The following ABCC4 variants were observed in gnomAD, a reference collection of about 807,000 sequenced individuals.
ABCC4 encodes ATP binding cassette subfamily C member 4 (PEL blood group), also known as ATP-binding cassette sub-family C member 4.
ABCC4 carries 102 observed loss-of-function variants against 168.5 expected under a neutral mutation model. The ratio of observed to expected loss-of-function variants is 0.61; its 90% confidence interval spans 0.52 to 0.71. The LOEUF is 0.71. Among genes scored for constraint, ABCC4 ranks in the 30% least tolerant of loss-of-function variants. ABCC4 has a pLI of 0.00. For missense variants in ABCC4, 1,402 were observed against 1,605.8 expected (o/e 0.87, Z 2.17); for synonymous variants, 617 against 590.7 (o/e 1.04, Z -0.65).
chr13:95,263,067 AT>A (rs2040576287), intron 1 of ABCC4, among the ~76,000 whole-genome samples: 1 of 152,168 alleles, frequency 6.6e-6, no homozygotes, highest in Non-Finnish European at 1.5e-5. Flanking sequence ...CCCAAGCATC[AT>A]GCTCAAGTGC....
chr13:95,021,738 C>A, intron 30 of ABCC4, 56 bp from the exon 31 acceptor site: 1 of 1,240,150 alleles, frequency 8.1e-7, no homozygotes, highest in Non-Finnish European at 1.2e-6. Flanking sequence ...AAAGTCTCCT[C>A]CCTGAAACAA....
At chr13:95,090,867 G>A (rs1262853553) in intron 20 of ABCC4, among the ~76,000 whole-genome samples, 1 of 151,976 alleles carries the variant, frequency 6.6e-6, no homozygotes, top group Non-Finnish European at 1.5e-5. Context: ...CACAATGCAA[G>A]GAAATCCAAC....
intron 27 of ABCC4, among the ~76,000 whole-genome samples, chr13:95,047,386 T>C (rs528248264): frequency 1.3e-5 from 2 of 152,080 alleles, no homozygotes; most frequent in South Asian, 4.2e-4. Context: ...GCATTTACAA[T>C]AGTGCTTGGT....
intron 8 of ABCC4, among the ~76,000 whole-genome samples, chr13:95,200,102 G>C (rs1430008122): frequency 6.6e-6 from 1 of 152,190 alleles, no homozygotes; most frequent in Non-Finnish European, 1.5e-5. Flanking sequence ...ATTCCCAGGA[G>C]GAAGTTCCCA....
chr13:95,166,121 C>CAAAACCAGGCCATGTTGT, intron 15 of ABCC4, 37 bp downstream of exon 15: 1 of 1,572,308 alleles, frequency 6.4e-7, no homozygotes, highest in Non-Finnish European at 8.8e-7. Context: ...TAACAGTGAA[C>CAAAACCAGGCCATGTTGT]AAAACCAGGC....
chr13:95,189,327 G>T (rs184430841), intron 9 of ABCC4, among the ~76,000 whole-genome samples: 2 of 150,814 alleles, frequency 1.3e-5, no homozygotes, highest in African/African-American at 2.4e-5. Flanking sequence ...TAGAGACGGG[G>T]TTTCACCGTG....
At chr13:95,071,295 G>T (rs142231611) in intron 25 of ABCC4, among the ~76,000 whole-genome samples, 2 of 152,290 alleles carry the variant, frequency 1.3e-5, no homozygotes, top group Admixed American at 1.3e-4. Flanking sequence ...TGGAACAGAA[G>T]CTGCAGCAGT....
intron 15 of ABCC4, 80 bp downstream of exon 15, chr13:95,166,078 T>C: frequency 3.1e-6 from 4 of 1,277,676 alleles, no homozygotes; most frequent in Non-Finnish European, 4.5e-6. Flanking sequence ...GATGAAGCTT[T>C]GAACAGAGTA....
At chr13:95,124,863 G>A (rs1229288924) in intron 19 of ABCC4, among the ~76,000 whole-genome samples, 1 of 150,576 alleles carries the variant, frequency 6.6e-6, no homozygotes, top group African/African-American at 2.4e-5. Context: ...GGGTGACAGA[G>A]TGAGACTTGA....
chr13:95,164,559 A>G, intron 15 of ABCC4, 41 bp from the exon 16 acceptor site: 1 of 1,604,574 alleles, frequency 6.2e-7, no homozygotes. Context: ...AACAGTATAC[A>G]AAACTGTTCC....
At chr13:95,178,593 G>A (rs2037788380) in intron 11 of ABCC4, among the ~76,000 whole-genome samples, 1 of 152,308 alleles carries the variant, frequency 6.6e-6, no homozygotes, top group East Asian at 1.9e-4. Context: ...GGCACAGAGT[G>A]CAGGAAGAGT....
At chr13:95,218,622 C>T (rs748603142) in intron 4 of ABCC4, among the ~76,000 whole-genome samples, 1 of 151,878 alleles carries the variant, frequency 6.6e-6, no homozygotes, top group Non-Finnish European at 1.5e-5. Flanking sequence ...AAGACCAAGG[C>T]GGCAAGATCA....
chr13:95,069,715 G>A (rs1157802790), intron 25 of ABCC4, among the ~76,000 whole-genome samples: 1 of 152,128 alleles, frequency 6.6e-6, no homozygotes, highest in Non-Finnish European at 1.5e-5. Flanking sequence ...CCGTCCTTAG[G>A]TGTCTGGCCT....
chr13:95,074,146 T>C, intron 23 of ABCC4, 68 bp downstream of exon 23: 1 of 1,263,264 alleles, frequency 7.9e-7, no homozygotes. Context: ...GTGGCAAGAG[T>C]TTAATAAATG....
intron 1 of ABCC4, among the ~76,000 whole-genome samples, chr13:95,259,196 G>C (rs1007865554): frequency 1.3e-5 from 2 of 152,154 alleles, no homozygotes; most frequent in Non-Finnish European, 2.9e-5. Flanking sequence ...AGACCAGCCT[G>C]ACGAACATGG....
At chr13:95,100,162 C>T (rs932415593) in intron 20 of ABCC4, among the ~76,000 whole-genome samples, 9 of 152,306 alleles carry the variant, frequency 5.9e-5, no homozygotes, top group Admixed American at 3.3e-4. Flanking sequence ...GAAAGCACCA[C>T]GAATGGCCAC....
rs573009078 is a variant in ABCC4 at position 95,056,279 on chromosome 13, C to G, written c.3367-3095G>C. On this transcript the variant is annotated intron_variant, in intron 26 of 30. Coordinates refer to ENST00000645237, the MANE Select transcript of ABCC4 (RefSeq NM_005845.5). Reference sequence around the variant, plus strand: ...CAGAGCTATGTGTGCATTTCAAATCCTGAAGACCTTGATTCAGGGCAGCTC... The same window carrying G: ...CAGAGCTATGTGTGCATTTCAAATCGTGAAGACCTTGATTCAGGGCAGCTC... Among the ~76,000 whole-genome samples, 7 of 152,304 alleles carry G rather than the reference C, an allele frequency of 4.6e-5. No individual in the cohort carries two copies. In the South Asian group the frequency reaches 8.3e-4, roughly 18 times the overall value.
chr13:95,196,623 AGG>A (rs2038438406), intron 8 of ABCC4, among the ~76,000 whole-genome samples: 1 of 7,192 alleles, frequency 1.4e-4, no homozygotes, highest in Non-Finnish European at 2.8e-4. Flanking sequence ...GAAGGAAGGA[AGG>A]AAGGAAGGAA....
At chr13:95,176,513 AAT>A (rs1231287812) in intron 13 of ABCC4, among the ~76,000 whole-genome samples, 2 of 152,100 alleles carry the variant, frequency 1.3e-5, no homozygotes, top group East Asian at 3.9e-4. Context: ...ATAATAATAA[AAT>A]AGATTGTCCT....
Sources: allele counts gnomAD v4.1 joint callset (sites outside exome capture counted in the v4.1 genomes callset), GRCh38; gene constraint gnomAD v4.1.1; transcripts MANE v1.5; gene names NCBI Gene and HGNC (gene_info 2026-07-23, HGNC 2026-07-21).